Variants in RAB11FIP3 observed in about 807,000 individuals in gnomAD.
RAB11FIP3 encodes rab11 family-interacting protein 3.
Under a neutral mutation model 77.8 loss-of-function variants are expected in RAB11FIP3, and 17 were observed. The ratio of observed to expected loss-of-function variants is 0.22; its 90% CI spans 0.15 to 0.33. The LOEUF (loss-of-function observed/expected upper bound fraction) is 0.33, where lower values mean the gene tolerates loss of function less well. RAB11FIP3 is among the 10% of genes least tolerant of loss of function. The probability of loss-of-function intolerance (pLI) is 1.00; values close to 1 mark genes in which losing one functional copy is unlikely to be tolerated. For synonymous variants in RAB11FIP3, 437 were observed against 448.2 expected (o/e 0.98, Z 0.31); for missense variants, 1,005 against 1,011.2 (o/e 0.99, Z 0.08).
intron 9 of RAB11FIP3, among the ~76,000 whole-genome samples, chr16:516,515 A>G (rs1428186853): frequency 6.6e-6 from 1 of 152,240 alleles, no homozygotes; most frequent in South Asian, 2.1e-4. Context: ...TCATAGTGAC[A>G]GCCTTGGATT....
intron 8 of RAB11FIP3, chr16:510,338 A>G: frequency 6.7e-6 from 2 of 297,902 alleles, no homozygotes; most frequent in Non-Finnish European, 1.3e-5. Flanking sequence ...CACCAGGAGA[A>G]GTTACCTGGC....
chr16:461,538 TC>T lies in RAB11FIP3; in HGVS notation c.808+43del. On this transcript the variant is annotated intron_variant, in intron 2 of 13. Coordinates refer to ENST00000262305, the MANE Select transcript of RAB11FIP3 (RefSeq NM_014700.4). The surrounding 1 kb of genome is among the most constrained non-coding windows in gnomAD (Gnocchi z 4.5). ...CATGAGCTCCCACCTCCTCTCCCGT[TC>T]CTCAGCCACCCTCTCAGCCACCTGC... 1 of 1,543,880 alleles carries T rather than the reference TC, an allele frequency of 6.5e-7. No individual in the cohort carries two copies. Among genetic ancestry groups the T allele is most frequent in the South Asian group, 1.1e-5 (1 of 89,292 alleles).
At chr16:494,276 T>TCTGTC (rs1196304740) in intron 5 of RAB11FIP3, among the ~76,000 whole-genome samples, 1 of 150,856 alleles carries the variant, frequency 6.6e-6, no homozygotes, top group African/African-American at 2.4e-5. Flanking sequence ...GAACGATGAG[T>TCTGTC]CTGTCCTGTC....
intron 5 of RAB11FIP3, among the ~76,000 whole-genome samples, chr16:492,417 AGGGCCCTCCCCGG>A (rs1165492660): frequency 3.6e-4 from 51 of 141,140 alleles, no homozygotes; most frequent in East Asian, 6.1e-4. Context: ...GAGGCCGCCC[AGGGCCCTCCCCGG>A]GAGACCCGAG....
chr16:435,204 C>CAAAAAAAAAAAAAAAAAAAAAA (rs371438435), intron 1 of RAB11FIP3, among the ~76,000 whole-genome samples: 1 of 83,152 alleles, frequency 1.2e-5, no homozygotes. Context: ...GACTCCGTCT[C>CAAAAAAAAAAAAAAAAAAAAAA]AAAAAAAAAA....
At chr16:502,124 G>T (rs1181340773) in intron 6 of RAB11FIP3, among the ~76,000 whole-genome samples, 1 of 152,270 alleles carries the variant, frequency 6.6e-6, no homozygotes, top group Non-Finnish European at 1.5e-5. Context: ...AACTGAACAC[G>T]CACCTTTGCT....
intron 5 of RAB11FIP3, among the ~76,000 whole-genome samples, chr16:492,434 ACCCGAGGCCGCCCAGG>A (rs2030532793): frequency 5.8e-5 from 8 of 138,888 alleles, no homozygotes; most frequent in East Asian, 2.0e-4. Context: ...TCCCCGGGAG[ACCCGAGGCCGCCCAGG>A]GCCCTTCCCG....
intron 2 of RAB11FIP3, among the ~76,000 whole-genome samples, chr16:464,269 T>C (rs1394064677): frequency 1.3e-5 from 2 of 152,212 alleles, no homozygotes; most frequent in Non-Finnish European, 2.9e-5. Context: ...TGGGGCCGTG[T>C]CTCAGTCTAA....
Position 505,452 on chromosome 16 carries a change from G to A in RAB11FIP3, c.1396-72G>A, listed in dbSNP as rs2031821263. 16 of 1,257,896 alleles carry A rather than the reference G, an allele frequency of 1.3e-5. No homozygotes were observed. Among genetic ancestry groups the A allele is most frequent in the Non-Finnish European group, 1.8e-5 (16 of 903,250 alleles). The allele number at this position is 1,257,896 out of a possible 1,614,324, so 77.9% of individuals were successfully genotyped here. On this transcript the variant is annotated intron_variant, in intron 7 of 13. Transcript: ENST00000262305. This position sits in a 1 kb window ranked among gnomAD's most constrained non-coding sequence, Gnocchi z 4.0. ...GAGAAAATCCCCAGGCGGCCTCCCA[G>A]GTTGTTCCCTTGGGGGTGCAGGCCC... is the stretch of plus-strand genomic sequence containing the variant.
At chr16:467,087 C>A (rs2055713726) in intron 2 of RAB11FIP3, among the ~76,000 whole-genome samples, 1 of 152,202 alleles carries the variant, frequency 6.6e-6, no homozygotes, top group African/African-American at 2.4e-5. Context: ...TGCAGAACCC[C>A]TGCCCTTGGG....
rs182061922 is a variant in RAB11FIP3 at position 478,449 on chromosome 16, C to G, written c.904-4076C>G. Among the ~76,000 whole-genome samples, 1,433 of 152,150 alleles carry G rather than the reference C, an allele frequency of 9.4e-3. 11 individuals are homozygous for G. The highest frequency in any genetic ancestry group is 0.031 in the Middle Eastern group (9 of 292). Reference sequence around the variant, plus strand: ...CTTGTGATCCACCCGCCTCGGCCTTCCAAAGTGCTGGGATTACAGGCATTA... The same window carrying G: ...CTTGTGATCCACCCGCCTCGGCCTTGCAAAGTGCTGGGATTACAGGCATTA... On this transcript the variant is annotated intron_variant, in intron 3 of 13. Transcript: ENST00000262305.
chr16:492,306 C>T (rs1294857887), intron 5 of RAB11FIP3, among the ~76,000 whole-genome samples: 4 of 140,720 alleles, frequency 2.8e-5, no homozygotes, highest in African/African-American at 1.1e-4. Context: ...CATTCTGGAG[C>T]ATCGGGGGTC....
At chr16:456,924 AT>A (rs2055514234) in intron 1 of RAB11FIP3, among the ~76,000 whole-genome samples, 1 of 151,780 alleles carries the variant, frequency 6.6e-6, no homozygotes, top group Admixed American at 6.6e-5. Flanking sequence ...CTTCAGTGCC[AT>A]TGGGAGATAC....
At chr16:477,899 T>G (rs1427182381) in intron 3 of RAB11FIP3, among the ~76,000 whole-genome samples, 1 of 152,224 alleles carries the variant, frequency 6.6e-6, no homozygotes, top group Non-Finnish European at 1.5e-5. Context: ...CTTGTTTCTG[T>G]GCTTTGAAAA....
chr16:451,649 CATGGAG>C (rs1338047385), intron 1 of RAB11FIP3: 3 of 151,152 alleles, frequency 2.0e-5, no homozygotes, highest in African/African-American at 7.3e-5. Flanking sequence ...AGCTGGCCAA[CATGGAG>C]AAACCCCGTC....
chr16:452,900 G>A (rs1220514698), intron 1 of RAB11FIP3, among the ~76,000 whole-genome samples: 1 of 65,836 alleles, frequency 1.5e-5, no homozygotes, highest in Non-Finnish European at 3.0e-5. Context: ...GACTACAGGC[G>A]CCCGCCACCA....
chr16:469,579 G>A (rs1353408926), intron 2 of RAB11FIP3, among the ~76,000 whole-genome samples: 1 of 151,042 alleles, frequency 6.6e-6, no homozygotes, highest in African/African-American at 2.4e-5. Context: ...TTGTGGAGAT[G>A]GGGTTTCACT....
At position 506,283 on chromosome 16, in the gene RAB11FIP3, G is replaced by A. The variant is rs570809190; in HGVS notation, c.1499+656G>A. On this transcript the variant is annotated intron_variant, in intron 8 of 13. Coordinates refer to ENST00000262305, the MANE Select transcript of RAB11FIP3 (RefSeq NM_014700.4). This position sits in a 1 kb window ranked among gnomAD's most constrained non-coding sequence, Gnocchi z 4.5. Reference sequence around the variant, plus strand: ...ATAGCCGATTTGCAGGACTGTTTCCGGTGCAAAGTAAGATGAGCTTGTCCC... The same window carrying A: ...ATAGCCGATTTGCAGGACTGTTTCCAGTGCAAAGTAAGATGAGCTTGTCCC... Among the ~76,000 whole-genome samples, 7 of 152,220 alleles carry A rather than the reference G, an allele frequency of 4.6e-5. No individual in the cohort carries two copies. The East Asian group carries it at 7.7e-4, about 17-fold the overall frequency.
At chr16:495,482 T>C (rs1175183066) in intron 5 of RAB11FIP3, among the ~76,000 whole-genome samples, 3 of 152,216 alleles carry the variant, frequency 2.0e-5, no homozygotes, top group African/African-American at 7.2e-5. Flanking sequence ...CCCCTGGCTC[T>C]GGCTACAGTG....
Sources: allele counts gnomAD v4.1 joint callset (sites outside exome capture counted in the v4.1 genomes callset), GRCh38; gene constraint gnomAD v4.1.1; non-coding constraint Gnocchi (gnomAD v3.1); transcripts MANE v1.5; gene names NCBI Gene and HGNC (gene_info 2026-07-23, HGNC 2026-07-21).